Variants in TPO observed in about 807,000 individuals in gnomAD.
TPO encodes thyroid peroxidase.
Under a neutral mutation model 96.9 loss-of-function variants are expected in TPO, and 78 were observed. The observed-to-expected ratio is 0.81, with a 90% CI of 0.67 to 0.97. The LOEUF is 0.97. Among genes scored for constraint, TPO ranks in the 50% least tolerant of loss-of-function variants. TPO has a pLI of 0.00. For synonymous variants in TPO, 547 were observed against 538.0 expected, an observed-to-expected ratio of 1.02 and a Z score of -0.23; for missense variants, 1,252 against 1,274.8, an observed-to-expected ratio of 0.98 and a Z score of 0.27.
At chr2:1,431,877 G>A (rs1665009854) in intron 3 of TPO, among the ~76,000 whole-genome samples, 1 of 152,244 alleles carries the variant, frequency 6.6e-6, no homozygotes, top group Admixed American at 6.5e-5. Flanking sequence ...TGAGCCCTGA[G>A]CCTCATGTCT....
At chr2:1,472,851 AG>A (rs781040818) in intron 7 of TPO, among the ~76,000 whole-genome samples, 107 of 135,532 alleles carry the variant, frequency 7.9e-4, no homozygotes, top group Middle Eastern at 4.1e-3. Flanking sequence ...AAAAAAAAAA[AG>A]GAGAGAGAGA....
chr2:1,426,643 T>G (rs773922309), intron 3 of TPO, among the ~76,000 whole-genome samples: 4 of 152,226 alleles, frequency 2.6e-5, no homozygotes, highest in Non-Finnish European at 4.4e-5. Context: ...ATGCATTAGA[T>G]TATTTCATAT....
At chr2:1,531,531 CCTCAAATCCCTCCCACTCTGTGCAAACT>C (rs1678245984) in intron 15 of TPO, among the ~76,000 whole-genome samples, 1 of 106,618 alleles carries the variant, frequency 9.4e-6, no homozygotes, top group African/African-American at 3.7e-5. Context: ...TGTGCAACCT[CCTCAAATCCCTCCCACTCTGTGCAAACT>C]CCCCAAACCC....
At chr2:1,472,941 CA>C (rs1249554963) in intron 7 of TPO, among the ~76,000 whole-genome samples, 2 of 147,614 alleles carry the variant, frequency 1.4e-5, no homozygotes, top group South Asian at 2.2e-4. Flanking sequence ...CTTTTTTTGG[CA>C]ATTTGTATTT....
At chr2:1,525,750 C>A (rs1320737202) in intron 15 of TPO, among the ~76,000 whole-genome samples, 1 of 132,476 alleles carries the variant, frequency 7.5e-6, no homozygotes, top group African/African-American at 2.9e-5. Context: ...CCAAATCTCA[C>A]CCCACTGTGG....
intron 16 of TPO, 52 bp from the exon 17 acceptor site, chr2:1,542,369 C>G: frequency 3.7e-6 from 6 of 1,609,846 alleles, no homozygotes; most frequent in South Asian, 1.1e-5. Context: ...TGTGCTGTTA[C>G]TGGAGCAGTC....
At chr2:1,455,726 C>T (rs1034692911) in intron 6 of TPO, among the ~76,000 whole-genome samples, 2 of 152,206 alleles carry the variant, frequency 1.3e-5, no homozygotes, top group African/African-American at 4.8e-5. Context: ...GAGTCATGAA[C>T]TCAACTGTCC....
At chr2:1,446,691 T>C (rs571457912) in intron 5 of TPO, among the ~76,000 whole-genome samples, 6 of 152,368 alleles carry the variant, frequency 3.9e-5, no homozygotes, top group African/African-American at 1.4e-4. Context: ...ATGTCTTCAG[T>C]GAGAAATATG....
chr2:1,461,859 A>AG lies in TPO; in HGVS notation c.819+5584dup, dbSNP rs201562305. Among the ~76,000 whole-genome samples the AG allele has an allele frequency of 4.9e-3, 747 of 152,190 alleles. 13 individuals are homozygous for AG. Among genetic ancestry groups the AG allele is most frequent in the African/African-American group, 0.017 (720 of 41,538 alleles). The stretch of plus-strand genomic sequence containing the variant: ...ACTCAGGAGTGTATTGGACGAGGGC[A>AG]GGGGGGGCCGTGGCGAGGAGCAGGA... On this transcript the variant is annotated intron_variant, in intron 7 of 16. Coordinates refer to ENST00000329066, the MANE Select transcript of TPO (RefSeq NM_001206744.2).
intron 8 of TPO, among the ~76,000 whole-genome samples, chr2:1,482,291 G>A (rs913251187): frequency 2.6e-5 from 4 of 152,148 alleles, no homozygotes; most frequent in Admixed American, 2.0e-4. Flanking sequence ...CCCAAGTGTG[G>A]ACCTTTCAGT....
chr2:1,404,613 C>T (rs1216731574), intron 1 of TPO, among the ~76,000 whole-genome samples: 2 of 152,090 alleles, frequency 1.3e-5, no homozygotes, highest in African/African-American at 2.4e-5. Flanking sequence ...GGGAAGGTGA[C>T]CAGCCAGGGA....
chr2:1,437,408 G>A (rs572628091), intron 5 of TPO, among the ~76,000 whole-genome samples: 27 of 152,068 alleles, frequency 1.8e-4, no homozygotes, highest in Non-Finnish European at 3.4e-4. Context: ...AGGGACTCGA[G>A]CTCCTCACTG....
At chr2:1,500,074 T>C (rs2124972870) in intron 13 of TPO, among the ~76,000 whole-genome samples, 1 of 152,224 alleles carries the variant, frequency 6.6e-6, no homozygotes, top group African/African-American at 2.4e-5. Flanking sequence ...GTTGGTGACA[T>C]GTCACTCAAT....
chr2:1,496,636 T>C lies in TPO; in HGVS notation c.2257T>C (p.Phe753Leu). 6.2e-7 allele frequency: 1 copy of C among 1,613,908 alleles called. No homozygotes were observed. Among genetic ancestry groups the C allele is most frequent in the Non-Finnish European group, 8.5e-7 (1 of 1,179,974 alleles). ...GFPESVENGD[F>L]VHCEESGRRV... is the part of the protein sequence containing the mutation. ...CCCAGAGAGCGTGGAGAATGGGGACTTTGTGCACTGTGAGGAGTCTGGGAG... is the reference window on the plus strand; with the variant it reads ...CCCAGAGAGCGTGGAGAATGGGGACCTTGTGCACTGTGAGGAGTCTGGGAG... Residue 753 changes from phenylalanine (F) to leucine (L), a missense_variant, in exon 13 of 17, where the codon TTT (phenylalanine) becomes CTT (leucine). Transcript: ENST00000329066.
chr2:1,495,299 A>G (rs990339375), intron 11 of TPO, among the ~76,000 whole-genome samples: 2 of 152,228 alleles, frequency 1.3e-5, no homozygotes, highest in Non-Finnish European at 2.9e-5. Context: ...TTTACGTGGC[A>G]GGGGAGATGC....
intron 14 of TPO, among the ~76,000 whole-genome samples, chr2:1,509,730 C>A (rs1182047048): frequency 1.3e-5 from 2 of 151,350 alleles, no homozygotes; most frequent in African/African-American, 2.4e-5. Flanking sequence ...GCACAGCCCA[C>A]CCTCTTGTTT....
At chr2:1,471,078 G>A (rs1265907299) in intron 7 of TPO, among the ~76,000 whole-genome samples, 1 of 152,196 alleles carries the variant, frequency 6.6e-6, no homozygotes, top group Admixed American at 6.5e-5. Context: ...ACCTATTTGG[G>A]TGTTACAAAC....
chr2:1,461,868 C>T (rs1443863786), intron 7 of TPO, among the ~76,000 whole-genome samples: 2 of 152,118 alleles, frequency 1.3e-5, no homozygotes, highest in South Asian at 2.1e-4. Flanking sequence ...CAGGGGGGGC[C>T]GTGGCGAGGA....
rs1011978537 is a variant in TPO, at chr2:1,406,504, C to T, written n.180+32102C>T. 7.2e-5 allele frequency among the ~76,000 whole-genome samples: 11 copies of T among 152,228 alleles called. 1 individual carries two copies. Among genetic ancestry groups the T allele is most frequent in the African/African-American group, 2.7e-4 (11 of 41,468 alleles). ...CAGACATGGTCTGGCTTGGACCTGC[C>T]ATGCCTGGCTTGCAGCCCCCATCAC... is the stretch of plus-strand genomic sequence containing the variant. On this transcript the variant is annotated intron_variant and non_coding_transcript_variant, in intron 1 of 5. Transcript: ENST00000497517.
Sources: allele counts gnomAD v4.1 joint callset (sites outside exome capture counted in the v4.1 genomes callset), GRCh38; gene constraint gnomAD v4.1.1; transcripts MANE v1.5; gene names NCBI Gene and HGNC (gene_info 2026-07-23, HGNC 2026-07-21).